The following SOCS7 variants were observed in gnomAD, a reference collection of about 807,000 sequenced individuals.
SOCS7 encodes NAP-4.
In SOCS7, 18 loss-of-function variants were observed where a neutral mutation model predicts 58.9. The ratio of observed to expected loss-of-function variants is 0.31; its 90% confidence interval spans 0.21 to 0.45. The LOEUF (loss-of-function observed/expected upper bound fraction) is 0.45, where lower values mean the gene tolerates loss of function less well. SOCS7 is among the 20% of genes least tolerant of loss of function. SOCS7 has a pLI of 1.00. For synonymous variants in SOCS7, 388 were observed against 364.3 expected (o/e 1.06, Z -0.74); for missense variants, 667 against 837.3 (o/e 0.80, Z 2.51).
intron 7 of SOCS7, among the ~76,000 whole-genome samples, chr17:38,394,757 G>A (rs2038223364): frequency 1.3e-5 from 2 of 152,180 alleles, no homozygotes; most frequent in African/African-American, 2.4e-5. Flanking sequence ...GCTGTTATGA[G>A]TGATGCTAGG....
Position 38,389,906 on chromosome 17 carries a change from T to TATATATATATATAGAG in SOCS7, c.1682-5402_1682-5401insTATATATATATAGAGA, listed in dbSNP as rs1555571102. 1.4e-4 allele frequency among the ~76,000 whole-genome samples: 14 copies of TATATATATATATAGAG among 103,480 alleles called. 1 individual carries two copies. The highest frequency in any genetic ancestry group is 6.6e-4 in the African/African-American group (14 of 21,322). 67.9% of individuals were successfully genotyped at this position (103,480 alleles called of 152,430 possible). A position where few individuals can be genotyped will look rare whatever the true frequency, so the allele number is the denominator to read the frequency against. On this transcript the variant is annotated intron_variant, in intron 7 of 9. Coordinates refer to ENST00000612932, the MANE Select transcript of SOCS7 (RefSeq NM_014598.4). ...ATGTACATATATATATATACACATA[T>TATATATATATATAGAG]AGAGAGAGAGAGAGAGAGAGAGTGA...
intron 1 of SOCS7, among the ~76,000 whole-genome samples, chr17:38,357,348 T>C (rs1235312633): frequency 1.3e-5 from 2 of 152,242 alleles, no homozygotes; most frequent in Non-Finnish European, 2.9e-5. Flanking sequence ...TTGATCTTTT[T>C]AACTATTTTT....
chr17:38,366,057 C>G (rs2037784646), intron 4 of SOCS7: 1 of 1,308,158 alleles, frequency 7.6e-7, no homozygotes, highest in African/African-American at 1.5e-5. Context: ...TCCCCTCCCC[C>G]TTTCTTGGGG....
chr17:38,356,816 T>G (rs1369298500), intron 1 of SOCS7, among the ~76,000 whole-genome samples: 5 of 152,268 alleles, frequency 3.3e-5, no homozygotes, highest in Admixed American at 3.3e-4. Context: ...GTCCTCAGTG[T>G]AATCTAGCAT....
chr17:38,352,849 C>A lies in SOCS7; in HGVS notation c.797C>A (p.Ala266Glu). The A allele has an allele frequency of 6.3e-7, 1 of 1,581,344 alleles. No individual in the cohort carries two copies. The highest frequency in any genetic ancestry group is 8.6e-7 in the Non-Finnish European group (1 of 1,164,056). Residue 266 changes from alanine to glutamate, a missense_variant, in exon 1 of 10, where the codon GCG becomes GAG. Physicochemically the swap from Ala to Glu is moderately radical, Grantham distance 107. Coordinates refer to ENST00000612932, the MANE Select transcript of SOCS7 (RefSeq NM_014598.4). This position sits in a 1 kb window ranked among gnomAD's most constrained non-coding sequence, Gnocchi z 5.5. ...CCTCCCGGGCCCCTCCGGCCACTCG[C>A]GGGTCCTTCTCGGAAGGGCTCCTTC... ...PPPPGPLRPL[A>E]GPSRKGSFKI...
At chr17:38,392,483 AT>A (rs1226011195) in intron 7 of SOCS7, among the ~76,000 whole-genome samples, 1 of 152,254 alleles carries the variant, frequency 6.6e-6, no homozygotes, top group African/African-American at 2.4e-5. Context: ...TTACTAAAGA[AT>A]ATATAAATAC....
intron 6 of SOCS7, among the ~76,000 whole-genome samples, chr17:38,374,456 G>A (rs6503548): frequency 0.096 from 14,402 of 149,726 alleles, 758 homozygotes; most frequent in East Asian, 0.2. Context: ...GCAGTGAACC[G>A]TGATCATGCC....
Position 38,359,423 on chromosome 17 carries a change from G to A in SOCS7, c.981-2288G>A, listed in dbSNP as rs587662804. On this transcript the variant is annotated intron_variant, in intron 1 of 9. Transcript: ENST00000612932. ...CTAGGTCAGGAGAAAGACGGACCAG[G>A]GTTTCAGCTCTTTCTGAATAAGATC... Among the ~76,000 whole-genome samples the A allele has an allele frequency of 6.4e-4, 98 of 152,210 alleles. 1 individual carries two copies. The highest frequency in any genetic ancestry group is 2.3e-3 in the African/African-American group (95 of 41,518).
chr17:38,378,121 A>G (rs2037955347), intron 7 of SOCS7, among the ~76,000 whole-genome samples: 1 of 152,230 alleles, frequency 6.6e-6, no homozygotes. Flanking sequence ...ATTTGGAGGT[A>G]TCCCTGATCT....
At chr17:38,369,566 C>T (rs1012905796) in intron 6 of SOCS7, among the ~76,000 whole-genome samples, 12 of 152,036 alleles carry the variant, frequency 7.9e-5, no homozygotes, top group African/African-American at 2.7e-4. Context: ...TTTTGTTAAA[C>T]CTGTTCAAAT....
chr17:38,392,266 T>C (rs1388935751), intron 7 of SOCS7, among the ~76,000 whole-genome samples: 1 of 152,196 alleles, frequency 6.6e-6, no homozygotes, highest in Non-Finnish European at 1.5e-5. Flanking sequence ...TACAATTAAA[T>C]AGGCAAGTAT....
At chr17:38,396,069 G>A (rs1327306816) in intron 9 of SOCS7, 71 bp downstream of exon 9, 2 of 1,313,432 alleles carry the variant, frequency 1.5e-6, no homozygotes, top group Non-Finnish European at 2.0e-6. Context: ...TTGAGCCTTG[G>A]GCCCCCTCCC....
intron 7 of SOCS7, among the ~76,000 whole-genome samples, chr17:38,383,649 C>T (rs1018946197): frequency 1.3e-5 from 2 of 152,218 alleles, no homozygotes; most frequent in East Asian, 3.9e-4. Context: ...CCTCTGCCTC[C>T]TGGGTTCAAG....
At chr17:38,387,105 ATATATATATATATATATATATATGTATG>A (rs2038080798) in intron 7 of SOCS7, among the ~76,000 whole-genome samples, 1 of 44,874 alleles carries the variant, frequency 2.2e-5, no homozygotes, top group Non-Finnish European at 3.8e-5. Flanking sequence ...AAAAAAAAAT[ATATATATATATATATATATATATGTATG>A]TATATATATA....
At chr17:38,384,891 CTTTTTTTT>C (rs71138614) in intron 7 of SOCS7, among the ~76,000 whole-genome samples, 7 of 76,640 alleles carry the variant, frequency 9.1e-5, no homozygotes, top group Non-Finnish European at 1.4e-4. Context: ...GCACCCAGCT[CTTTTTTTT>C]TTTTTTTTTT....
At chr17:38,355,240 C>T (rs1049354268) in intron 1 of SOCS7, among the ~76,000 whole-genome samples, 1 of 152,140 alleles carries the variant, frequency 6.6e-6, no homozygotes, top group Non-Finnish European at 1.5e-5. Context: ...CTTTTTCCCC[C>T]ATCTGTAAAA....
intron 1 of SOCS7, among the ~76,000 whole-genome samples, chr17:38,356,790 G>A (rs1291146925): frequency 1.3e-5 from 2 of 152,210 alleles, no homozygotes; most frequent in Non-Finnish European, 2.9e-5. Context: ...TCAAAGAGCT[G>A]GGCTTGATGC....
chr17:38,361,672 T>G (rs938659377), intron 1 of SOCS7, 39 bp from the exon 2 acceptor site: 1 of 1,510,402 alleles, frequency 6.6e-7, no homozygotes, highest in Non-Finnish European at 9.2e-7. Context: ...ATGTGTTCAT[T>G]TCTCCCCTCT....
chr17:38,352,936 A>T lies in SOCS7; in HGVS notation c.884A>T (p.Asp295Val). ...KSCNGGSGGG[D>V]GTGKRPSGEL... is the part of the protein sequence containing the mutation. ...TGCAACGGTGGCTCCGGCGGTGGGGATGGGACCGGCAAGAGGCCTTCTGGA... is the reference window on the plus strand; with the variant it reads ...TGCAACGGTGGCTCCGGCGGTGGGGTTGGGACCGGCAAGAGGCCTTCTGGA... The change falls in exon 1 of 10, where the codon GAT becomes GTT. Residue 295 changes from aspartate to valine, a missense_variant. Transcript: ENST00000612932. This position sits in a 1 kb window ranked among gnomAD's most constrained non-coding sequence, Gnocchi z 5.5. 1 of 1,607,730 alleles carries T rather than the reference A, an allele frequency of 6.2e-7. No individual in the cohort carries two copies. Among genetic ancestry groups the T allele is most frequent in the Non-Finnish European group, 8.5e-7 (1 of 1,178,392 alleles).
Sources: allele counts gnomAD v4.1 joint callset (sites outside exome capture counted in the v4.1 genomes callset), GRCh38; gene constraint gnomAD v4.1.1; non-coding constraint Gnocchi (gnomAD v3.1); transcripts MANE v1.5; gene names NCBI Gene and HGNC (gene_info 2026-07-23, HGNC 2026-07-21).